E2F3: variants seen among roughly 807,000 people sequenced by gnomAD.
E2F3 encodes E2F transcription factor 3.
In E2F3, 11 loss-of-function variants were observed where a neutral mutation model predicts 44.4. The ratio of observed to expected loss-of-function variants is 0.25; its 90% CI spans 0.16 to 0.41. E2F3 has a LOEUF of 0.41. E2F3 is among the 10% of genes least tolerant of loss of function. The probability of loss-of-function intolerance (pLI) is 1.00; values close to 1 mark genes in which losing one functional copy is unlikely to be tolerated. For missense variants in E2F3, 487 were observed against 583.6 expected (o/e 0.83, Z 1.70); for synonymous variants, 249 against 253.0 (o/e 0.98, Z 0.15).
intron 1 of E2F3, among the ~76,000 whole-genome samples, chr6:20,435,278 G>A (rs562206901): frequency 8.5e-5 from 13 of 152,130 alleles, no homozygotes; most frequent in African/African-American, 2.7e-4. Context: ...GCACCTGGCC[G>A]ATGTGCCCCA....
intron 3 of E2F3, among the ~76,000 whole-genome samples, chr6:20,482,342 G>GTTTTTTTT (rs71734781): frequency 3.8e-5 from 5 of 130,120 alleles, no homozygotes; most frequent in Admixed American, 1.5e-4. Flanking sequence ...TTGTTTTTTT[G>GTTTTTTTT]TTTTTTTTTT....
intron 1 of E2F3, among the ~76,000 whole-genome samples, chr6:20,426,897 C>T (rs1390676639): frequency 6.6e-6 from 1 of 152,182 alleles, no homozygotes; most frequent in Non-Finnish European, 1.5e-5. Context: ...GTGCTGATAT[C>T]TGTTGAAATT....
At chr6:20,482,267 T>C (rs887415780) in intron 3 of E2F3, among the ~76,000 whole-genome samples, 1 of 152,068 alleles carries the variant, frequency 6.6e-6, no homozygotes, top group Non-Finnish European at 1.5e-5. Flanking sequence ...TACTTTCTTT[T>C]CTTTTTAGTT....
chr6:20,427,723 T>G (rs1470142430), intron 1 of E2F3, among the ~76,000 whole-genome samples: 2 of 152,204 alleles, frequency 1.3e-5, no homozygotes. Context: ...CTGTGGAAGT[T>G]GGCCTTCCTG....
chr6:20,483,005 G>T, intron 4 of E2F3, 85 bp downstream of exon 4: 1 of 1,587,552 alleles, frequency 6.3e-7, no homozygotes, highest in African/African-American at 1.3e-5. Context: ...GCACAAGGTA[G>T]ATTATTATTC....
At chr6:20,434,979 C>T in intron 1 of E2F3, among the ~76,000 whole-genome samples, 1 of 152,208 alleles carries the variant, frequency 6.6e-6, no homozygotes, top group East Asian at 1.9e-4. Flanking sequence ...GGCGCCAGGG[C>T]CGACAGATTT....
At chr6:20,456,557 T>C (rs1450881901) in intron 1 of E2F3, among the ~76,000 whole-genome samples, 1 of 152,152 alleles carries the variant, frequency 6.6e-6, no homozygotes, top group African/African-American at 2.4e-5. Flanking sequence ...GCACATATTT[T>C]AGTGAGCAAT....
intron 3 of E2F3, 142 bp downstream of exon 3, chr6:20,481,567 C>A: frequency 1.4e-6 from 1 of 732,404 alleles, no homozygotes; most frequent in Non-Finnish European, 2.2e-6. Context: ...ATTCTCTCTT[C>A]CCTCCTCAGC....
chr6:20,436,108 G>A (rs1442971153), intron 1 of E2F3, among the ~76,000 whole-genome samples: 1 of 151,704 alleles, frequency 6.6e-6, no homozygotes. Flanking sequence ...AGCCTCCCGA[G>A]TAGCTGGAAT....
chr6:20,490,172 G>T lies in E2F3; in HGVS notation c.1140G>T (p.Leu380Phe). The change falls in exon 7 of 7, where the codon TTG (leucine) becomes TTT (phenylalanine). Residue 380 changes from leucine to phenylalanine, a missense_variant. By Grantham distance (22) the Leu-to-Phe change is conservative. Around this residue, in one of 3 missense-constraint regions of E2F3, gnomAD observed 220 missense variants for 261.7 expected, o/e 0.84. Transcript: ENST00000346618. This position sits in a 1 kb window ranked among gnomAD's most constrained non-coding sequence, Gnocchi z 4.3. ...GNIPKPASKD[L>F]ASTNSGHSDC... is the part of the protein sequence containing the mutation. Reference sequence around the variant, plus strand: ...CCATCAATGTTTTCTTTTCAGACTTGGCTTCAACCAACTCAGGACATAGCG... The same window carrying T: ...CCATCAATGTTTTCTTTTCAGACTTTGCTTCAACCAACTCAGGACATAGCG... The T allele has an allele frequency of 6.4e-7, 1 of 1,560,270 alleles. No individual in the cohort carries two copies. The highest frequency in any genetic ancestry group is 1.2e-5 in the South Asian group (1 of 83,556).
In E2F3 at chr6:20,409,920, C is replaced by T. The variant is rs146305339; in HGVS notation, c.393+7295C>T. 4.8e-3 allele frequency among the ~76,000 whole-genome samples: 726 copies of T among 152,236 alleles called. 3 individuals are homozygous for T. Among genetic ancestry groups the T allele is most frequent in the African/African-American group, 0.016 (664 of 41,546 alleles). On this transcript the variant is annotated intron_variant, in intron 1 of 6. Transcript: ENST00000346618. ...CTAACAGCCAGTGAGCATTAAGTAC[C>T]AACTGATGAGAGTAGTAATCAGTGA...
intron 1 of E2F3, among the ~76,000 whole-genome samples, chr6:20,420,572 G>A (rs1050991002): frequency 1.3e-5 from 2 of 152,182 alleles, no homozygotes; most frequent in South Asian, 2.1e-4. Context: ...TGGTTTCCCA[G>A]TGCATATAAA....
In E2F3 at chr6:20,490,690, A is replaced by G; in HGVS notation, c.*260A>G. 1 of 312,666 alleles carries G rather than the reference A, an allele frequency of 3.2e-6. No individual in the cohort carries two copies. Among genetic ancestry groups the G allele is most frequent in the South Asian group, 1.1e-4 (1 of 8,782 alleles). 19.4% of individuals were successfully genotyped at this position (312,666 alleles called of 1,614,324 possible). A position where few individuals can be genotyped will look rare whatever the true frequency, so the allele number is the denominator to read the frequency against. Reference sequence around the variant, plus strand: ...TCCAAGATCTCCTGGCTAAGTCAGCAAGTGAGAAAATGTGCAATCAGGTGT... The same window carrying G: ...TCCAAGATCTCCTGGCTAAGTCAGCGAGTGAGAAAATGTGCAATCAGGTGT... On this transcript the variant is annotated 3_prime_UTR_variant, in exon 7 of 7. Coordinates refer to ENST00000346618, the MANE Select transcript of E2F3 (RefSeq NM_001949.5). The surrounding 1 kb of genome is among the most constrained non-coding windows in gnomAD (Gnocchi z 4.3).
chr6:20,481,705 T>TG (rs1762230090), intron 3 of E2F3, among the ~76,000 whole-genome samples: 1 of 152,176 alleles, frequency 6.6e-6, no homozygotes, highest in African/African-American at 2.4e-5. Context: ...AGTTGGAAAG[T>TG]GGACTGCTGT....
intron 1 of E2F3, among the ~76,000 whole-genome samples, chr6:20,418,840 C>CT (rs34489729): frequency 0.15 from 21,317 of 145,590 alleles, 2,051 homozygotes; most frequent in East Asian, 0.48. Flanking sequence ...TGTTTGTTAC[C>CT]TTTTTTTTTT....
intron 1 of E2F3, among the ~76,000 whole-genome samples, chr6:20,440,710 T>C (rs538153440): frequency 6.6e-6 from 1 of 152,342 alleles, no homozygotes; most frequent in East Asian, 1.9e-4. Context: ...TATTTTCCTT[T>C]GGAAGGAGAG....
intron 1 of E2F3, among the ~76,000 whole-genome samples, chr6:20,428,225 AT>A (rs199708951): frequency 7.2e-4 from 108 of 150,050 alleles, no homozygotes; most frequent in African/African-American, 2.6e-3. Flanking sequence ...TTTATTTTTT[AT>A]TTTTTTTTAT....
At chr6:20,479,178 C>T (rs572034508) in intron 1 of E2F3, among the ~76,000 whole-genome samples, 30 of 152,240 alleles carry the variant, frequency 2.0e-4, no homozygotes, top group African/African-American at 6.5e-4. Context: ...TTTGTTTTCC[C>T]GATGAAGGGC....
At chr6:20,449,473 G>A (rs188271771) in intron 1 of E2F3, among the ~76,000 whole-genome samples, 8 of 152,158 alleles carry the variant, frequency 5.3e-5, no homozygotes, top group South Asian at 4.2e-4. Context: ...TCAATCTTCT[G>A]CTATTATGAA....
Sources: gnomAD v4.1 joint callset for allele counts (sites outside exome capture counted in the v4.1 genomes callset) on GRCh38, gnomAD v4.1.1 for gene constraint, gnomAD v4.1.1 regional missense constraint, Gnocchi (gnomAD v3.1) non-coding constraint, MANE v1.5 for transcripts, NCBI Gene and HGNC (gene_info 2026-07-23, HGNC 2026-07-21) for gene names.